The following ZNF680 variants were observed in gnomAD, a reference collection of about 807,000 sequenced individuals.
The protein encoded by ZNF680 is hypothetical protein FLJ90430.
ZNF680 carries 6 observed loss-of-function variants against 12.1 expected under a neutral mutation model. That is an observed-to-expected ratio of 0.49 (90% CI 0.27 to 0.98). The LOEUF (loss-of-function observed/expected upper bound fraction) is 0.98, where lower values mean the gene tolerates loss of function less well. Among genes scored for constraint, ZNF680 ranks in the 50% least tolerant of loss-of-function variants. The pLI is 0.12. For missense variants in ZNF680, 561 were observed against 616.3 expected (o/e 0.91, Z 0.95); for synonymous variants, 170 against 199.3 (o/e 0.85, Z 1.24).
At position 64,556,391 on chromosome 7, in the gene ZNF680, T is replaced by A. The variant is rs151232143; in HGVS notation, c.30+6534A>T. Among the ~76,000 whole-genome samples the A allele has an allele frequency of 3.7e-3, 563 of 151,468 alleles. 5 individuals are homozygous for A. Among genetic ancestry groups the A allele is most frequent in the African/African-American group, 0.012 (500 of 41,268 alleles). On this transcript the variant is annotated intron_variant, in intron 1 of 3. Coordinates refer to ENST00000309683, the MANE Select transcript of ZNF680 (RefSeq NM_178558.5). ...CATTACATTACCTGACTTCAAATTA[T>A]ACAACAGAGTAACCAAAGCAGCATG... is the stretch of plus-strand genomic sequence containing the variant.
the ZNF680 span, chr7:64,501,759 C>A: frequency 1.2e-6 from 1 of 844,858 alleles, no homozygotes. Flanking sequence ...AATCTTATCC[C>A]AATATTTGTT....
At chr7:64,500,821 C>T in the ZNF680 span, 2 of 389,790 alleles carry the variant, frequency 5.1e-6, no homozygotes, top group Non-Finnish European at 1.0e-5. Flanking sequence ...CCTTATCAAA[C>T]ACAATGGCCA....
intron 3 of ZNF680, chr7:64,525,796 G>A (rs1791808458): frequency 1.0e-6 from 1 of 977,462 alleles, no homozygotes; most frequent in Non-Finnish European, 1.2e-6. Context: ...TGAATAAATA[G>A]ATGTTGAAAT....
chr7:64,547,278 A>G (rs1380006274), intron 1 of ZNF680, among the ~76,000 whole-genome samples: 1 of 152,212 alleles, frequency 6.6e-6, no homozygotes, highest in Non-Finnish European at 1.5e-5. Flanking sequence ...TGGAGAAAGC[A>G]GGCACAGCAC....
At chr7:64,555,260 C>A (rs1471628716) in intron 1 of ZNF680, among the ~76,000 whole-genome samples, 2 of 151,716 alleles carry the variant, frequency 1.3e-5, no homozygotes, top group Non-Finnish European at 2.9e-5. Flanking sequence ...ACCACACAAT[C>A]AGAAATAAAA....
At chr7:64,504,578 T>C in the ZNF680 span, among the ~76,000 whole-genome samples, 16 of 152,230 alleles carry the variant, frequency 1.1e-4, no homozygotes, top group Admixed American at 1.0e-3. Flanking sequence ...GGATTCATAC[T>C]TTTTATAATA....
At chr7:64,538,841 C>T (rs1384271062) in intron 3 of ZNF680, among the ~76,000 whole-genome samples, 1 of 151,988 alleles carries the variant, frequency 6.6e-6, no homozygotes, top group African/African-American at 2.4e-5. Flanking sequence ...TCACAAAAGC[C>T]AAAACGCGGC....
downstream of ZNF680, among the ~76,000 whole-genome samples, chr7:64,518,020 G>C (rs192103338): frequency 1.3e-5 from 2 of 152,128 alleles, no homozygotes; most frequent in Admixed American, 1.3e-4. Flanking sequence ...CTGAAAACAG[G>C]AACAACACCA....
intron 1 of ZNF680, among the ~76,000 whole-genome samples, chr7:64,557,288 G>T (rs1343494188): frequency 6.6e-6 from 1 of 151,248 alleles, no homozygotes; most frequent in African/African-American, 2.4e-5. Flanking sequence ...CAGGCGCAGT[G>T]GTTCATACAT....
At chr7:64,550,568 C>T (rs1787022442) in intron 1 of ZNF680, among the ~76,000 whole-genome samples, 1 of 152,172 alleles carries the variant, frequency 6.6e-6, no homozygotes, top group Admixed American at 6.5e-5. Flanking sequence ...AGCAGAGATT[C>T]TCATTTCTAC....
At chr7:64,502,247 G>A in the ZNF680 span, among the ~76,000 whole-genome samples, 1 of 151,946 alleles carries the variant, frequency 6.6e-6, no homozygotes, top group Non-Finnish European at 1.5e-5. Flanking sequence ...TTCTGACCTC[G>A]TGATCCACCC....
chr7:64,549,798 T>C (rs761880548), intron 1 of ZNF680, among the ~76,000 whole-genome samples: 53 of 151,966 alleles, frequency 3.5e-4, no homozygotes, highest in Non-Finnish European at 6.9e-4. Flanking sequence ...CTGGCCAACA[T>C]AGTGAAACCC....
At chr7:64,533,103 C>G (rs1262999818) in intron 3 of ZNF680, among the ~76,000 whole-genome samples, 1 of 152,182 alleles carries the variant, frequency 6.6e-6, no homozygotes, top group Non-Finnish European at 1.5e-5. Context: ...CCTTTGAGAA[C>G]TGGAACAAGA....
the ZNF680 span, among the ~76,000 whole-genome samples, chr7:64,511,165 G>T: frequency 6.6e-6 from 1 of 151,888 alleles, no homozygotes; most frequent in Non-Finnish European, 1.5e-5. Context: ...AGCTACTTGG[G>T]AGGCTAAGGC....
chr7:64,528,209 G>T (rs1043922328), intron 3 of ZNF680, among the ~76,000 whole-genome samples: 22 of 152,092 alleles, frequency 1.4e-4, no homozygotes, highest in Admixed American at 1.4e-3. Flanking sequence ...GATCTTTTTG[G>T]AGGGCAGCCA....
Position 64,557,585 on chromosome 7 carries a change from CA to C in ZNF680, c.30+5339del, listed in dbSNP as rs759073910. The stretch of plus-strand genomic sequence containing the variant: ...AACAAAAAAACAAAAAAAAACAAAA[CA>C]AAAAAAAACTTACCAAAAAGGCCGG... On this transcript the variant is annotated intron_variant, in intron 1 of 3. Transcript: ENST00000309683. Among the ~76,000 whole-genome samples the C allele has an allele frequency of 6.1e-5, 9 of 148,230 alleles. No homozygotes were observed. In the South Asian group the frequency reaches 1.7e-3, roughly 28 times the overall value.
At chr7:64,526,521 C>T in intron 3 of ZNF680, 5 of 610,946 alleles carry the variant, frequency 8.2e-6, no homozygotes, top group Admixed American at 3.6e-5. Context: ...TAAGACTCTG[C>T]ATATAAACAA....
chr7:64,501,240 A>G, the ZNF680 span: 17 of 888,284 alleles, frequency 1.9e-5, no homozygotes, highest in Non-Finnish European at 1.7e-5. Context: ...ACAGTTGCCC[A>G]GCACATTTTC....
chr7:64,558,850 AAC>A (rs1787566106), intron 1 of ZNF680, among the ~76,000 whole-genome samples: 3 of 152,142 alleles, frequency 2.0e-5, no homozygotes, highest in African/African-American at 7.2e-5. Context: ...GGGAGAAAGA[AAC>A]ACAAGTCGCA....
Sources: gnomAD v4.1 joint callset for allele counts (sites outside exome capture counted in the v4.1 genomes callset) on GRCh38, gnomAD v4.1.1 for gene constraint, MANE v1.5 for transcripts, NCBI Gene and HGNC (gene_info 2026-07-23, HGNC 2026-07-21) for gene names.